SPA17: variants seen among roughly 807,000 people sequenced by gnomAD.
SPA17 encodes sperm autoantigenic protein 17, also known as sperm surface protein Sp17.
SPA17 carries 7 observed loss-of-function variants against 13.8 expected under a neutral mutation model. The ratio of observed to expected loss-of-function variants is 0.51; its 90% CI spans 0.29 to 0.95. The LOEUF (loss-of-function observed/expected upper bound fraction) is 0.95. Among genes scored for constraint, SPA17 ranks in the 40% least tolerant of loss-of-function variants. The probability of loss-of-function intolerance (pLI) is 0.08; values close to 1 mark genes in which losing one functional copy is unlikely to be tolerated. For synonymous variants in SPA17, 61 were observed against 59.0 expected, an observed-to-expected ratio of 1.03 and a Z score of -0.16; for missense variants, 170 against 179.3, an observed-to-expected ratio of 0.95 and a Z score of 0.30.
chr11:124,692,302 C>G (rs76315336), intron 4 of SPA17, among the ~76,000 whole-genome samples: 1 of 152,138 alleles, frequency 6.6e-6, no homozygotes, highest in South Asian at 2.1e-4. Flanking sequence ...TAGCGGAGGC[C>G]GGGCGTGGTG....
At position 124,689,695 on chromosome 11, in the gene SPA17, T is replaced by C. The variant is rs1591407465; in HGVS notation, c.226-2001T>C. ...TGGGAGGCTAAGGTGAGAGGATCAC[T>C]TGAGCCCACAGGTCAAGGCTGTAGT... On this transcript the variant is annotated intron_variant, in intron 3 of 4. Coordinates refer to ENST00000227135, the MANE Select transcript of SPA17 (RefSeq NM_017425.4). 2.0e-5 allele frequency among the ~76,000 whole-genome samples: 3 copies of C among 151,894 alleles called. No homozygotes were observed. The South Asian group carries it at 6.3e-4, about 32-fold the overall frequency.
At chr11:124,690,938 T>C (rs944657768) in intron 3 of SPA17, among the ~76,000 whole-genome samples, 1 of 152,200 alleles carries the variant, frequency 6.6e-6, no homozygotes, top group African/African-American at 2.4e-5. Flanking sequence ...TCCATTTTAC[T>C]AGATTCTCTG....
rs139179424 is a variant in SPA17 at position 124,691,571 on chromosome 11, G to A, written c.226-125G>A. ...ATTTTCCTTATTAAAAGATAAATAC[G>A]TAGTATTTAATTCCCCCTATTTCTC... On this transcript the variant is annotated intron_variant, in intron 3 of 4. Coordinates refer to ENST00000227135, the MANE Select transcript of SPA17 (RefSeq NM_017425.4). The A allele has an allele frequency of 3.4e-4, 154 of 457,760 alleles. 4 individuals carry two copies. Among genetic ancestry groups the A allele is most frequent in the Non-Finnish European group, 4.5e-4 (116 of 260,616 alleles). The allele number at this position is 457,760 out of a possible 1,614,324, so 28.4% of individuals were successfully genotyped here. A position where few individuals can be genotyped will look rare whatever the true frequency, so the allele number is the denominator to read the frequency against.
chr11:124,691,432 G>A (rs1308227426), intron 3 of SPA17, among the ~76,000 whole-genome samples: 2 of 151,946 alleles, frequency 1.3e-5, no homozygotes, highest in Non-Finnish European at 2.9e-5. Context: ...ATAAAACAGT[G>A]GTACACACAT....
At chr11:124,692,369 A>G (rs1943630160) in intron 4 of SPA17, among the ~76,000 whole-genome samples, 1 of 152,066 alleles carries the variant, frequency 6.6e-6, no homozygotes, top group East Asian at 1.9e-4. Flanking sequence ...TCACGAGGTC[A>G]GGAGATTGAG....
chr11:124,689,188 A>G (rs1308555741), intron 3 of SPA17, among the ~76,000 whole-genome samples: 1 of 152,210 alleles, frequency 6.6e-6, no homozygotes, highest in African/African-American at 2.4e-5. Context: ...ACTTAAACAT[A>G]AGACCTAAAA....
intron 3 of SPA17, among the ~76,000 whole-genome samples, chr11:124,686,494 T>C (rs1439244824): frequency 6.6e-6 from 1 of 152,192 alleles, no homozygotes; most frequent in Non-Finnish European, 1.5e-5. Flanking sequence ...TATATATTCT[T>C]TTCATCAGCA....
intron 1 of SPA17, 99 bp downstream of exon 1, chr11:124,674,051 T>C: frequency 3.5e-6 from 1 of 282,908 alleles, no homozygotes; most frequent in East Asian, 8.0e-5. Flanking sequence ...CTCGGAGCCC[T>C]GGGCCGTTTG....
At chr11:124,691,440 C>T (rs1395161532) in intron 3 of SPA17, among the ~76,000 whole-genome samples, 2 of 152,178 alleles carry the variant, frequency 1.3e-5, no homozygotes, top group African/African-American at 4.8e-5. Context: ...GTGGTACACA[C>T]ATTCCAAAAG....
intron 3 of SPA17, among the ~76,000 whole-genome samples, chr11:124,690,831 G>T (rs1230916627): frequency 3.3e-5 from 5 of 152,142 alleles, no homozygotes; most frequent in Non-Finnish European, 1.5e-5. Flanking sequence ...AGTAGATTTG[G>T]GGAATTTCTT....
chr11:124,686,813 A>G (rs1943582590), intron 3 of SPA17, among the ~76,000 whole-genome samples: 1 of 152,178 alleles, frequency 6.6e-6, no homozygotes, highest in South Asian at 2.1e-4. Flanking sequence ...CTAAGAGAGA[A>G]GTTGATAGCA....
chr11:124,685,412 A>C (rs982631552), intron 3 of SPA17, among the ~76,000 whole-genome samples: 1 of 152,238 alleles, frequency 6.6e-6, no homozygotes, highest in Non-Finnish European at 1.5e-5. Flanking sequence ...ATGTATAGAA[A>C]CACCTGGATG....
At chr11:124,676,536 C>G (rs917296540) in intron 2 of SPA17, among the ~76,000 whole-genome samples, 1 of 152,152 alleles carries the variant, frequency 6.6e-6, no homozygotes, top group African/African-American at 2.4e-5. Context: ...CCACCCCTTG[C>G]TTTTTTTGCC....
intron 4 of SPA17, among the ~76,000 whole-genome samples, chr11:124,693,193 G>A (rs962658494): frequency 5.9e-5 from 9 of 152,064 alleles, no homozygotes; most frequent in African/African-American, 9.7e-5. Flanking sequence ...ATGTCATCTC[G>A]AAGAATTTTA....
At chr11:124,679,423 A>G (rs566348361) in intron 2 of SPA17, among the ~76,000 whole-genome samples, 1 of 152,188 alleles carries the variant, frequency 6.6e-6, no homozygotes, top group Non-Finnish European at 1.5e-5. Flanking sequence ...CAAGTAAGCA[A>G]CTAAGCTAGT....
intron 3 of SPA17, among the ~76,000 whole-genome samples, chr11:124,687,601 C>T (rs1052998335): frequency 1.3e-5 from 2 of 152,048 alleles, no homozygotes; most frequent in African/African-American, 2.4e-5. Context: ...AGGTAATAAA[C>T]CATGATAAAA....
chr11:124,677,792 T>A (rs1943485491), intron 2 of SPA17, among the ~76,000 whole-genome samples: 1 of 152,270 alleles, frequency 6.6e-6, no homozygotes, highest in Non-Finnish European at 1.5e-5. Context: ...CAGTGTGTTA[T>A]AGGCTTATAG....
At chr11:124,680,478 G>C (rs773735387) in intron 2 of SPA17, among the ~76,000 whole-genome samples, 6 of 152,148 alleles carry the variant, frequency 3.9e-5, no homozygotes, top group Non-Finnish European at 5.9e-5. Flanking sequence ...AAAGAATAGG[G>C]GCTGGGGGCT....
intron 2 of SPA17, among the ~76,000 whole-genome samples, chr11:124,678,981 A>G (rs1377842510): frequency 6.6e-6 from 1 of 152,184 alleles, no homozygotes; most frequent in East Asian, 1.9e-4. Flanking sequence ...TTCGAATCAT[A>G]AAAGTTTAAC....
Sources: allele counts gnomAD v4.1 joint callset (sites outside exome capture counted in the v4.1 genomes callset), GRCh38; gene constraint gnomAD v4.1.1; transcripts MANE v1.5; gene names NCBI Gene and HGNC (gene_info 2026-07-23, HGNC 2026-07-21).